The following C13orf42 variants were observed in gnomAD, a reference collection of about 807,000 sequenced individuals.
C13orf42 encodes the protein chromosome 13 open reading frame 42, also known as uncharacterized protein C13orf42.
At chr13:51,102,945 C>T (rs1202666687) in intron 1 of C13orf42, among the ~76,000 whole-genome samples, 3 of 152,180 alleles carry the variant, frequency 2.0e-5, no homozygotes, top group Non-Finnish European at 4.4e-5. Flanking sequence ...AGAACTCCCT[C>T]CCTATCATGA....
chr13:51,149,538 C>T (rs1348881576), intron 1 of C13orf42, among the ~76,000 whole-genome samples: 1 of 152,120 alleles, frequency 6.6e-6, no homozygotes, highest in Non-Finnish European at 1.5e-5. Context: ...CCTGGACATT[C>T]AAGCTGAAAA....
At position 51,084,146 on chromosome 13, in the gene C13orf42, T is replaced by C. The variant is rs1337790605; in HGVS notation, c.*5A>G. The C allele has an allele frequency of 5.0e-6, 2 of 398,706 alleles. No individual in the cohort carries two copies. 24.7% of individuals were successfully genotyped at this position (398,706 alleles called of 1,614,324 possible). Reference sequence around the variant, plus strand: ...TCTGAGACACGTCAAGGAATCCAGATGGAGTCAGGGCACCGTCCGCTCCCA... The same window carrying C: ...TCTGAGACACGTCAAGGAATCCAGACGGAGTCAGGGCACCGTCCGCTCCCA... On this transcript the variant is annotated 3_prime_UTR_variant, in exon 4 of 4. Coordinates refer to ENST00000563710, the MANE Select transcript of C13orf42 (RefSeq NM_001351589.3).
chr13:51,100,553 A>G (rs1953278839), intron 1 of C13orf42, among the ~76,000 whole-genome samples: 1 of 152,220 alleles, frequency 6.6e-6, no homozygotes, highest in Non-Finnish European at 1.5e-5. Flanking sequence ...ACGATAAAAA[A>G]GGTCATTCTT....
chr13:51,107,859 G>C (rs1378218007), intron 1 of C13orf42, among the ~76,000 whole-genome samples: 3 of 152,194 alleles, frequency 2.0e-5, no homozygotes, highest in Non-Finnish European at 4.4e-5. Flanking sequence ...CTAAAATAGA[G>C]GTGTGTTCAG....
chr13:51,147,439 A>G (rs1953744636), intron 1 of C13orf42, among the ~76,000 whole-genome samples: 1 of 151,998 alleles, frequency 6.6e-6, no homozygotes, highest in African/African-American at 2.4e-5. Flanking sequence ...TTTTAAACGC[A>G]AGGGGTGAGG....
intron 1 of C13orf42, among the ~76,000 whole-genome samples, chr13:51,144,868 T>A (rs944152126): frequency 3.9e-5 from 6 of 152,220 alleles, no homozygotes; most frequent in African/African-American, 1.4e-4. Flanking sequence ...AAAGCCAATT[T>A]AAAAGCCTAT....
intron 1 of C13orf42, among the ~76,000 whole-genome samples, chr13:51,094,432 T>C (rs1220074450): frequency 6.6e-6 from 1 of 152,230 alleles, no homozygotes; most frequent in East Asian, 1.9e-4. Flanking sequence ...CTTTGTATTA[T>C]TGCTACAATA....
At chr13:51,160,407 G>A (rs1213366600) in intron 1 of C13orf42, among the ~76,000 whole-genome samples, 1 of 152,232 alleles carries the variant, frequency 6.6e-6, no homozygotes, top group African/African-American at 2.4e-5. Context: ...CTACTCGGGA[G>A]GCTGAGGCAG....
chr13:51,118,728 CT>C (rs1953510801), intron 1 of C13orf42, among the ~76,000 whole-genome samples: 1 of 152,280 alleles, frequency 6.6e-6, no homozygotes, highest in South Asian at 2.1e-4. Flanking sequence ...AGTTTGTCTA[CT>C]ACTTGTATAT....
At chr13:51,138,899 T>C (rs1953677014) in intron 1 of C13orf42, among the ~76,000 whole-genome samples, 1 of 152,186 alleles carries the variant, frequency 6.6e-6, no homozygotes, top group Non-Finnish European at 1.5e-5. Context: ...CAAATATATA[T>C]ACATAAGGAA....
At chr13:51,147,330 C>T (rs916403233) in intron 1 of C13orf42, among the ~76,000 whole-genome samples, 5 of 152,204 alleles carry the variant, frequency 3.3e-5, no homozygotes, top group African/African-American at 7.2e-5. Context: ...TAGCTCCCTC[C>T]GTGCCTGTGA....
intron 2 of C13orf42, among the ~76,000 whole-genome samples, chr13:51,086,278 C>T (rs1217944550): frequency 6.6e-6 from 1 of 150,546 alleles, no homozygotes; most frequent in Non-Finnish European, 1.5e-5. Context: ...CTGCACACAG[C>T]CTGGGCGATG....
chr13:51,086,184 G>A (rs575777758), intron 2 of C13orf42, among the ~76,000 whole-genome samples: 28 of 152,106 alleles, frequency 1.8e-4, no homozygotes, highest in Non-Finnish European at 3.2e-4. Flanking sequence ...GTGAGCGCCC[G>A]TAGTCCCAGC....
chr13:51,114,757 T>C (rs1324740244), upstream of C13orf42, among the ~76,000 whole-genome samples: 1 of 152,154 alleles, frequency 6.6e-6, no homozygotes, highest in African/African-American at 2.4e-5. Flanking sequence ...TTGGCTATTG[T>C]GAGTAATGCT....
intron 1 of C13orf42, among the ~76,000 whole-genome samples, chr13:51,118,481 C>T (rs184726012): frequency 1.3e-5 from 2 of 152,302 alleles, no homozygotes; most frequent in African/African-American, 2.4e-5. Flanking sequence ...GGCCACCAGG[C>T]ATTTGCTGTT....
rs571657822 is a variant in C13orf42 at position 51,116,893 on chromosome 13, T to C, written n.137-3671A>G. Among the ~76,000 whole-genome samples the C allele has an allele frequency of 4.6e-5, 7 of 152,354 alleles. No homozygotes were observed. In the South Asian group the frequency reaches 1.0e-3, roughly 23 times the overall value. On this transcript the variant is annotated intron_variant and non_coding_transcript_variant, in intron 1 of 4. Coordinates refer to the C13orf42 transcript ENST00000433280. ...GGTCTCTCCAGTGAGGTGGCCGGAATACTTAAATGGATGCTCAGGGCATCC... is the reference window on the plus strand; with the variant it reads ...GGTCTCTCCAGTGAGGTGGCCGGAACACTTAAATGGATGCTCAGGGCATCC...
chr13:51,137,186 T>C (rs1253493130), intron 1 of C13orf42, among the ~76,000 whole-genome samples: 1 of 152,240 alleles, frequency 6.6e-6, no homozygotes, highest in African/African-American at 2.4e-5. Flanking sequence ...TTTATATTGA[T>C]AAACAGTACA....
At chr13:51,125,153 C>A (rs1016883040) in intron 1 of C13orf42, among the ~76,000 whole-genome samples, 1 of 152,042 alleles carries the variant, frequency 6.6e-6, no homozygotes, top group South Asian at 2.1e-4. Context: ...CTCTGCTGGG[C>A]GAAGGTGCCA....
intron 1 of C13orf42, among the ~76,000 whole-genome samples, chr13:51,152,659 C>G (rs1234897706): frequency 6.6e-6 from 1 of 152,188 alleles, no homozygotes; most frequent in Admixed American, 6.5e-5. Context: ...TCTGATAGTG[C>G]AAAGTTTTTC....
Sources: allele counts gnomAD v4.1 joint callset (sites outside exome capture counted in the v4.1 genomes callset), GRCh38; gene constraint gnomAD v4.1.1; transcripts MANE v1.5; gene names NCBI Gene and HGNC (gene_info 2026-07-23, HGNC 2026-07-21).